IMPG1: variants seen among roughly 807,000 people sequenced by gnomAD.
The protein encoded by IMPG1 is interphotoreceptor matrix proteoglycan of 150 kDa.
A neutral mutation model predicts 92.0 loss-of-function variants in IMPG1; 85 were observed. That is an observed-to-expected ratio of 0.92 (90% confidence interval 0.78 to 1.11). The LOEUF is 1.11. Ranked by LOEUF, IMPG1 falls within the 50% of genes least tolerant of loss-of-function variation. The pLI is 0.00. For synonymous variants in IMPG1, 367 were observed against 334.1 expected (o/e 1.10, Z -1.08); for missense variants, 1,022 against 956.0 (o/e 1.07, Z -0.91).
intron 1 of IMPG1, among the ~76,000 whole-genome samples, chr6:76,045,958 AT>A (rs1783933178): frequency 6.6e-6 from 1 of 152,124 alleles, no homozygotes; most frequent in South Asian, 2.1e-4. Flanking sequence ...AAGACTGGAA[AT>A]TTTTTTGAGG....
At chr6:75,936,416 T>A (rs1436623153) in intron 14 of IMPG1, among the ~76,000 whole-genome samples, 2 of 152,252 alleles carry the variant, frequency 1.3e-5, no homozygotes, top group Non-Finnish European at 2.9e-5. Context: ...GGCTTATGGC[T>A]TATTGCTGAA....
chr6:75,964,007 C>T (rs1782256672), intron 12 of IMPG1, among the ~76,000 whole-genome samples: 1 of 152,060 alleles, frequency 6.6e-6, no homozygotes, highest in African/African-American at 2.4e-5. Flanking sequence ...ATAGACTAAG[C>T]AAAAACTTGG....
At chr6:76,042,484 G>A (rs1160598664) in intron 1 of IMPG1, among the ~76,000 whole-genome samples, 2 of 151,992 alleles carry the variant, frequency 1.3e-5, no homozygotes, top group African/African-American at 4.8e-5. Flanking sequence ...ATTCAAGCAG[G>A]GAACGATATA....
intron 11 of IMPG1, among the ~76,000 whole-genome samples, chr6:76,003,503 A>C (rs1165500662): frequency 6.6e-6 from 1 of 152,180 alleles, no homozygotes. Context: ...AAATTTATAA[A>C]GTATGATCAT....
chr6:75,977,894 T>C (rs1021720438), intron 12 of IMPG1, among the ~76,000 whole-genome samples: 2 of 152,052 alleles, frequency 1.3e-5, no homozygotes, highest in African/African-American at 2.4e-5. Context: ...ATTTTATACC[T>C]TAAAAAGTGC....
At chr6:76,033,785 TTAATC>T (rs1783690327) in intron 4 of IMPG1, among the ~76,000 whole-genome samples, 1 of 152,252 alleles carries the variant, frequency 6.6e-6, no homozygotes. Flanking sequence ...CTTTAATCAT[TTAATC>T]TAATGAAGTT....
chr6:75,998,735 A>T (rs1052731761), intron 12 of IMPG1, among the ~76,000 whole-genome samples: 1 of 152,214 alleles, frequency 6.6e-6, no homozygotes, highest in African/African-American at 2.4e-5. Flanking sequence ...CGTCTAAACC[A>T]AACCAAACCA....
intron 12 of IMPG1, among the ~76,000 whole-genome samples, chr6:75,982,110 A>G (rs1480816040): frequency 6.6e-6 from 1 of 152,218 alleles, no homozygotes; most frequent in African/African-American, 2.4e-5. Context: ...CTAATCATAT[A>G]TTAACATTAA....
chr6:75,957,583 G>A (rs761384989), intron 12 of IMPG1, among the ~76,000 whole-genome samples: 1 of 152,108 alleles, frequency 6.6e-6, no homozygotes, highest in Non-Finnish European at 1.5e-5. Context: ...TATAAATCTG[G>A]TTGCTCCTAT....
chr6:76,002,368 A>G (rs762623699), intron 12 of IMPG1, among the ~76,000 whole-genome samples: 12 of 152,236 alleles, frequency 7.9e-5, no homozygotes, highest in Non-Finnish European at 1.6e-4. Context: ...GGAGATTCAA[A>G]AGTGAATCAC....
chr6:75,990,552 G>A (rs1156724655), intron 12 of IMPG1, among the ~76,000 whole-genome samples: 1 of 150,970 alleles, frequency 6.6e-6, no homozygotes, highest in Non-Finnish European at 1.5e-5. Flanking sequence ...CCAGGAGTTT[G>A]GGAACAGCCT....
At chr6:76,009,648 T>C (rs899057752) in intron 8 of IMPG1, among the ~76,000 whole-genome samples, 6 of 152,218 alleles carry the variant, frequency 3.9e-5, no homozygotes, top group African/African-American at 1.4e-4. Flanking sequence ...AAACTTACTT[T>C]GTAGGCATCT....
At chr6:75,957,723 C>A (rs765677580) in intron 12 of IMPG1, among the ~76,000 whole-genome samples, 9 of 152,260 alleles carry the variant, frequency 5.9e-5, no homozygotes, top group South Asian at 2.1e-4. Flanking sequence ...ACTAGAATTG[C>A]AACCTCTGCT....
At chr6:75,926,536 C>A (rs530474368) in intron 15 of IMPG1, among the ~76,000 whole-genome samples, 1 of 152,112 alleles carries the variant, frequency 6.6e-6, no homozygotes, top group African/African-American at 2.4e-5. Context: ...GAAACTGTCC[C>A]CTATATTTAG....
chr6:75,922,275 A>G, intron 16 of IMPG1, 109 bp from the exon 17 acceptor site: 1 of 592,230 alleles, frequency 1.7e-6, no homozygotes, highest in Non-Finnish European at 3.0e-6. Flanking sequence ...CTTGCCATTT[A>G]TGACATCTTC....
intron 6 of IMPG1, 109 bp downstream of exon 6, chr6:76,022,007 T>A: frequency 1.7e-6 from 1 of 581,090 alleles, no homozygotes; most frequent in South Asian, 1.5e-5. Flanking sequence ...GTCACAAAAA[T>A]ACAGCACTAA....
At chr6:75,923,847 AG>A in intron 15 of IMPG1, 141 bp from the exon 16 acceptor site, 1 of 563,856 alleles carries the variant, frequency 1.8e-6, no homozygotes, top group East Asian at 3.1e-5. Context: ...CTTCCGTTTG[AG>A]TTGGAAGAAG....
intron 15 of IMPG1, among the ~76,000 whole-genome samples, chr6:75,926,938 T>G (rs1382195598): frequency 6.6e-6 from 1 of 152,346 alleles, no homozygotes; most frequent in African/African-American, 2.4e-5. Flanking sequence ...TCAATGGTAG[T>G]CTTCTCAGGA....
At chr6:76,056,973 G>GTT (rs1784130222) in intron 1 of IMPG1, among the ~76,000 whole-genome samples, 1 of 152,142 alleles carries the variant, frequency 6.6e-6, no homozygotes, top group African/African-American at 2.4e-5. Flanking sequence ...CCATAAAAAG[G>GTT]AACAAAATCA....
Sources: gnomAD v4.1 joint callset for allele counts (sites outside exome capture counted in the v4.1 genomes callset) on GRCh38, gnomAD v4.1.1 for gene constraint, MANE v1.5 for transcripts, NCBI Gene and HGNC (gene_info 2026-07-23, HGNC 2026-07-21) for gene names.